Variants in LRBA observed in about 807,000 individuals in gnomAD.
LRBA encodes the protein lipopolysaccharide-responsive and beige-like anchor protein.
LRBA carries 176 observed loss-of-function variants against 330.0 expected under a neutral mutation model. That is an observed-to-expected ratio of 0.53 (90% CI 0.47 to 0.60). LRBA has a LOEUF of 0.60. Ranked by LOEUF, LRBA falls within the 20% of genes least tolerant of loss-of-function variation. LRBA has a pLI of 0.00. For missense variants in LRBA, 3,259 were observed against 3,444.8 expected (o/e 0.95, Z 1.35); for synonymous variants, 1,230 against 1,193.0 (o/e 1.03, Z -0.64).
chr4:150,490,733 G>A (rs934042512), intron 41 of LRBA, among the ~76,000 whole-genome samples, 185 bp downstream of exon 41: 1 of 151,814 alleles, frequency 6.6e-6, no homozygotes, highest in Non-Finnish European at 1.5e-5. Flanking sequence ...AATTACAAAT[G>A]ATTCTATTAA....
At chr4:150,548,621 T>A (rs1027466193) in intron 40 of LRBA, among the ~76,000 whole-genome samples, 6 of 152,146 alleles carry the variant, frequency 3.9e-5, no homozygotes, top group Non-Finnish European at 5.9e-5. Flanking sequence ...ATGGTGCTGT[T>A]AAAAACAGAT....
In LRBA at chr4:150,320,515, T is replaced by A. The variant is rs565247494; in HGVS notation, c.7630+676A>T. 1.1e-4 allele frequency among the ~76,000 whole-genome samples: 17 copies of A among 152,196 alleles called. No homozygotes were observed. In the East Asian group the frequency reaches 3.3e-3, roughly 30 times the overall value. ...CTGGCACATAATAGACAATCAGAAT[T>A]GTTTACTGTGGCTGGACATAGTGGC... is the stretch of plus-strand genomic sequence containing the variant. On this transcript the variant is annotated intron_variant, in intron 50 of 56. Coordinates refer to ENST00000651943, the MANE Select transcript of LRBA (RefSeq NM_001364905.1).
chr4:150,466,464 C>A (rs1054641893), intron 44 of LRBA, among the ~76,000 whole-genome samples: 3 of 152,208 alleles, frequency 2.0e-5, no homozygotes, highest in Admixed American at 2.0e-4. Flanking sequence ...TTTACATAAA[C>A]ACTTACCTGT....
At chr4:150,276,350 T>C (rs936744122) in intron 56 of LRBA, among the ~76,000 whole-genome samples, 28 of 152,158 alleles carry the variant, frequency 1.8e-4, no homozygotes, top group Non-Finnish European at 3.1e-4. Context: ...ACCTAGGCAA[T>C]ACCATTCAGG....
At chr4:150,466,221 A>G (rs1295691191) in intron 44 of LRBA, among the ~76,000 whole-genome samples, 4 of 152,112 alleles carry the variant, frequency 2.6e-5, no homozygotes, top group Non-Finnish European at 4.4e-5. Flanking sequence ...CTGTGTGAAG[A>G]TCCTATCCTG....
intron 36 of LRBA, among the ~76,000 whole-genome samples, chr4:150,727,524 C>T (rs1449383560): frequency 1.3e-5 from 2 of 152,114 alleles, no homozygotes; most frequent in African/African-American, 4.8e-5. Context: ...TCTTCTCTGA[C>T]CACAATGAAA....
intron 40 of LRBA, among the ~76,000 whole-genome samples, chr4:150,566,260 A>C (rs1278450829): frequency 6.6e-6 from 1 of 152,128 alleles, no homozygotes; most frequent in African/African-American, 2.4e-5. Flanking sequence ...CATAGCATGG[A>C]AATAACCTTG....
intron 44 of LRBA, among the ~76,000 whole-genome samples, chr4:150,452,547 G>A (rs1017430088): frequency 4.0e-5 from 6 of 151,514 alleles, no homozygotes; most frequent in Non-Finnish European, 7.4e-5. Flanking sequence ...GCTTGAACCC[G>A]GGAGGCAGAG....
intron 40 of LRBA, among the ~76,000 whole-genome samples, chr4:150,530,997 C>A (rs984813590): frequency 6.6e-6 from 1 of 152,054 alleles, no homozygotes; most frequent in East Asian, 1.9e-4. Flanking sequence ...TTTCCATATG[C>A]CCCAACTCCC....
At chr4:150,892,919 G>A in intron 17 of LRBA, 133 bp downstream of exon 17, 4 of 522,076 alleles carry the variant, frequency 7.7e-6, no homozygotes, top group Non-Finnish European at 1.0e-5. Flanking sequence ...ATTATAAATG[G>A]GTCTTAAATC....
intron 38 of LRBA, among the ~76,000 whole-genome samples, chr4:150,592,144 G>GTTTTTTGTTTTTT (rs1772933969): frequency 1.5e-5 from 1 of 65,166 alleles, no homozygotes; most frequent in African/African-American, 6.9e-5. Flanking sequence ...GATGGCTAGG[G>GTTTTTTGTTTTTT]TTTTTTTTTT....
chr4:150,788,531 C>T (rs540974022), intron 34 of LRBA, among the ~76,000 whole-genome samples: 22 of 152,094 alleles, frequency 1.4e-4, no homozygotes, highest in African/African-American at 4.3e-4. Context: ...ATCTAAGAGA[C>T]GGGCAAATCA....
At chr4:150,431,889 A>G (rs1750431402) in intron 46 of LRBA, among the ~76,000 whole-genome samples, 2 of 152,152 alleles carry the variant, frequency 1.3e-5, no homozygotes, top group African/African-American at 4.8e-5. Flanking sequence ...CTTTAAAAAC[A>G]GTAAATTATG....
intron 30 of LRBA, among the ~76,000 whole-genome samples, chr4:150,825,195 T>G (rs1448969979): frequency 1.3e-5 from 2 of 152,166 alleles, no homozygotes; most frequent in Non-Finnish European, 2.9e-5. Flanking sequence ...ATGTAAACAA[T>G]GTAAATTTCA....
At chr4:150,497,722 G>T (rs959176502) in intron 40 of LRBA, among the ~76,000 whole-genome samples, 6 of 152,084 alleles carry the variant, frequency 3.9e-5, no homozygotes, top group Non-Finnish European at 7.4e-5. Flanking sequence ...GTATTGATTG[G>T]ACTAAAATGG....
At position 150,852,503 on chromosome 4, in the gene LRBA, G is replaced by C. The variant is rs762031957; in HGVS notation, c.3207C>G (p.Gly1069=). The C allele has an allele frequency of 6.2e-7, 1 of 1,613,712 alleles. No homozygotes were observed. Among genetic ancestry groups the C allele is most frequent in the South Asian group, 1.1e-5 (1 of 91,076 alleles). Reference sequence around the variant, plus strand: ...CTTCACTGACAGTCATTGAATCTTTGCCAGTTGTTATAAAAGAATTAGAGG... The same window carrying C: ...CTTCACTGACAGTCATTGAATCTTTCCCAGTTGTTATAAAAGAATTAGAGG... ...AISSNSFITT[G]KDSMTVSEVT... is the part of the protein sequence containing the mutation. The change falls in exon 23 of 57, where the codon GGC becomes GGG. Residue 1069 remains glycine, a synonymous_variant. Transcript: ENST00000651943.
chr4:150,570,299 A>G (rs1447823962), intron 40 of LRBA, among the ~76,000 whole-genome samples: 1 of 151,984 alleles, frequency 6.6e-6, no homozygotes, highest in Admixed American at 6.6e-5. Flanking sequence ...GCATCTCACT[A>G]TTTTCGTGTG....
intron 28 of LRBA, among the ~76,000 whole-genome samples, chr4:150,833,392 TAAGAACATG>T (rs906874694): frequency 4.6e-5 from 7 of 151,964 alleles, no homozygotes; most frequent in African/African-American, 1.7e-4. Context: ...AAATTTAAAA[TAAGAACATG>T]AAGAACACTG....
intron 40 of LRBA, among the ~76,000 whole-genome samples, chr4:150,572,716 C>G (rs1770019082): frequency 6.6e-6 from 1 of 152,100 alleles, no homozygotes; most frequent in Non-Finnish European, 1.5e-5. Flanking sequence ...CTCCAAGTCA[C>G]TTGTCAGTTA....
Sources: gnomAD v4.1 joint callset for allele counts (sites outside exome capture counted in the v4.1 genomes callset) on GRCh38, gnomAD v4.1.1 for gene constraint, MANE v1.5 for transcripts, NCBI Gene and HGNC (gene_info 2026-07-23, HGNC 2026-07-21) for gene names.